Variants in CREB5 observed in about 807,000 individuals in gnomAD.
CREB5 encodes cAMP responsive element binding protein 5.
CREB5 carries 19 observed loss-of-function variants against 57.1 expected under a neutral mutation model. The observed-to-expected ratio is 0.33, with a 90% confidence interval of 0.23 to 0.49. The LOEUF is 0.49. Among genes scored for constraint, CREB5 ranks in the 20% least tolerant of loss-of-function variants. The probability of loss-of-function intolerance (pLI) is 0.99; values close to 1 mark genes in which losing one functional copy is unlikely to be tolerated. For synonymous variants in CREB5, 238 were observed against 238.3 expected (o/e 1.00, Z 0.01); for missense variants, 579 against 671.6 (o/e 0.86, Z 1.52).
At chr7:28,747,057 C>T (rs1452999340) in intron 7 of CREB5, among the ~76,000 whole-genome samples, 3 of 151,842 alleles carry the variant, frequency 2.0e-5, no homozygotes, top group East Asian at 1.9e-4. Context: ...CTTATCTTCT[C>T]AATCATTTAG....
chr7:28,556,647 AAC>A (rs1452590848), intron 4 of CREB5, among the ~76,000 whole-genome samples: 1 of 152,164 alleles, frequency 6.6e-6, no homozygotes, highest in Non-Finnish European at 1.5e-5. Context: ...AAGTTTGATG[AAC>A]ACATAATTGT....
chr7:28,703,000 T>G (rs1801940788), intron 5 of CREB5, among the ~76,000 whole-genome samples: 1 of 151,948 alleles, frequency 6.6e-6, no homozygotes, highest in Non-Finnish European at 1.5e-5. Flanking sequence ...TCAAGCCAGG[T>G]GGAAAGATAG....
intron 1 of CREB5, among the ~76,000 whole-genome samples, chr7:28,449,901 C>A (rs929460919): frequency 6.6e-6 from 1 of 152,148 alleles, no homozygotes; most frequent in Non-Finnish European, 1.5e-5. Flanking sequence ...CCCTCCCATC[C>A]TTTACTTCAC....
chr7:28,744,674 G>A (rs2128759609), intron 7 of CREB5, among the ~76,000 whole-genome samples: 1 of 152,110 alleles, frequency 6.6e-6, no homozygotes, highest in South Asian at 2.1e-4. Flanking sequence ...TAAATGTCCT[G>A]TCTCCAAATA....
At chr7:28,302,808 C>T (rs1785120063) in intron 1 of CREB5, among the ~76,000 whole-genome samples, 1 of 152,192 alleles carries the variant, frequency 6.6e-6, no homozygotes, top group Admixed American at 6.5e-5. Context: ...AAAACCACAT[C>T]TGTTTGGCTT....
chr7:28,733,359 T>C (rs1803774258), intron 7 of CREB5, among the ~76,000 whole-genome samples: 1 of 152,162 alleles, frequency 6.6e-6, no homozygotes, highest in African/African-American at 2.4e-5. Context: ...AGCCTCAGTT[T>C]GGTCCAGTGT....
chr7:28,560,885 TGCGTGTGTGTGCGTGC>T (rs1472566419), intron 4 of CREB5, among the ~76,000 whole-genome samples: 31 of 26,476 alleles, frequency 1.2e-3, no homozygotes, highest in South Asian at 5.1e-3. Flanking sequence ...CGTGCGTGCG[TGCGTGTGTGTGCGTGC>T]GCGCGTGCGT....
chr7:28,543,238 A>AGG (rs1794276899), intron 4 of CREB5, among the ~76,000 whole-genome samples: 1 of 152,230 alleles, frequency 6.6e-6, no homozygotes, highest in African/African-American at 2.4e-5. Context: ...CATAAAATGA[A>AGG]AAGTAAAGTT....
chr7:28,359,911 AAG>A (rs1786434047), intron 1 of CREB5, among the ~76,000 whole-genome samples: 1 of 152,234 alleles, frequency 6.6e-6, no homozygotes, highest in Admixed American at 6.5e-5. Context: ...AAAATAGGCA[AAG>A]GCCCTGAAGG....
At chr7:28,343,826 A>G (rs943233979) in intron 1 of CREB5, among the ~76,000 whole-genome samples, 1 of 152,184 alleles carries the variant, frequency 6.6e-6, no homozygotes, top group Non-Finnish European at 1.5e-5. Flanking sequence ...CCAACAGTGC[A>G]CAAGGATTCT....
chr7:28,740,091 T>C (rs1160658749), intron 7 of CREB5, among the ~76,000 whole-genome samples: 2 of 152,178 alleles, frequency 1.3e-5, no homozygotes, highest in Non-Finnish European at 2.9e-5. Context: ...TTAAGGATTA[T>C]GCAAATCACT....
In CREB5 at chr7:28,494,955, T is replaced by C. The variant is rs1791964639; in HGVS notation, c.125T>C (p.Met42Thr). ...HLMIHRHKHEMTLKFPSIKTD... is the reference protein window; with the variant it reads ...HLMIHRHKHETTLKFPSIKTD... ...ATGATTCATAGGCACAAACATGAAA[T>C]GACTTTGAAGTTTCCTTCAATAAAA... Residue 42 changes from methionine to threonine, a missense_variant, in exon 3 of 11, where the codon ATG (methionine) becomes ACG (threonine). Met to Thr is a moderately conservative substitution (Grantham distance 81). This residue lies in a region of CREB5 where 459 missense variants were observed against 515.7 expected (regional missense o/e 0.89). Transcript: ENST00000357727. 1 of 1,608,808 alleles carries C rather than the reference T, an allele frequency of 6.2e-7. No homozygotes were observed. Among genetic ancestry groups the C allele is most frequent in the Non-Finnish European group, 8.5e-7 (1 of 1,178,966 alleles).
chr7:28,423,481 G>A (rs79006565), intron 1 of CREB5, among the ~76,000 whole-genome samples: 3,380 of 152,206 alleles, frequency 0.022, 75 homozygotes, highest in Admixed American at 0.041. Flanking sequence ...AGATGATGGG[G>A]GCTTGAGTTA....
intron 9 of CREB5, among the ~76,000 whole-genome samples, chr7:28,813,872 C>T (rs559175928): frequency 6.6e-6 from 1 of 152,162 alleles, no homozygotes; most frequent in South Asian, 2.1e-4. Context: ...AACTCAAATT[C>T]GTTTAGAAAA....
intron 5 of CREB5, 137 bp from the exon 6 acceptor site, chr7:28,718,616 C>A: frequency 8.5e-7 from 1 of 1,182,670 alleles, no homozygotes. Flanking sequence ...TCCCTAATAT[C>A]CTCAATTATG....
chr7:28,456,171 ATCC>A (rs767834986), intron 1 of CREB5, among the ~76,000 whole-genome samples: 12 of 152,218 alleles, frequency 7.9e-5, no homozygotes, highest in Non-Finnish European at 1.6e-4. Flanking sequence ...TAGAGTTTAC[ATCC>A]TCCTCTTAAG....
At chr7:28,715,343 A>G (rs1802626815) in intron 5 of CREB5, among the ~76,000 whole-genome samples, 1 of 152,208 alleles carries the variant, frequency 6.6e-6, no homozygotes, top group Non-Finnish European at 1.5e-5. Context: ...CATACTCCTG[A>G]CTTAAATGGG....
chr7:28,642,935 G>A (rs115333884), intron 5 of CREB5, among the ~76,000 whole-genome samples: 1,922 of 141,508 alleles, frequency 0.014, 50 homozygotes, highest in African/African-American at 0.049. Flanking sequence ...CAAACAGACC[G>A]AAAGGAGGGT....
chr7:28,341,530 A>G (rs1158724986), intron 1 of CREB5, among the ~76,000 whole-genome samples: 1 of 152,228 alleles, frequency 6.6e-6, no homozygotes, highest in Admixed American at 6.5e-5. Context: ...TCTAACGGAC[A>G]CCTTGTCTTC....
Sources: gnomAD v4.1 joint callset for allele counts (sites outside exome capture counted in the v4.1 genomes callset) on GRCh38, gnomAD v4.1.1 for gene constraint, gnomAD v4.1.1 regional missense constraint, MANE v1.5 for transcripts, NCBI Gene and HGNC (gene_info 2026-07-23, HGNC 2026-07-21) for gene names.